Variants in SLC26A8 observed in about 807,000 individuals in gnomAD.
The protein encoded by SLC26A8 is testis anion transporter 1.
Under a neutral mutation model 105.0 loss-of-function variants are expected in SLC26A8, and 70 were observed. The ratio of observed to expected loss-of-function variants is 0.67; its 90% confidence interval spans 0.55 to 0.81. The LOEUF (loss-of-function observed/expected upper bound fraction) is 0.81. Ranked by LOEUF, SLC26A8 falls within the 40% of genes least tolerant of loss-of-function variation. The pLI, the probability that SLC26A8 is intolerant of heterozygous loss-of-function variation, is 0.00. For missense variants in SLC26A8, 998 were observed against 1,181.8 expected (o/e 0.84, Z 2.28); for synonymous variants, 415 against 438.3 (o/e 0.95, Z 0.66).
intron 2 of SLC26A8, among the ~76,000 whole-genome samples, chr6:36,013,057 A>G (rs952159580): frequency 3.9e-5 from 6 of 152,210 alleles, no homozygotes; most frequent in African/African-American, 1.4e-4. Context: ...AGTAGAAAAT[A>G]GAGAATATGA....
At chr6:35,968,605 G>GTATATATATA (rs1554163661) in intron 11 of SLC26A8, among the ~76,000 whole-genome samples, 4 of 53,856 alleles carry the variant, frequency 7.4e-5, no homozygotes, top group Admixed American at 2.2e-4. Flanking sequence ...GTGTGTGTGT[G>GTATATATATA]TGTGTATATA....
chr6:36,020,693 G>T (rs1476859126), intron 1 of SLC26A8, among the ~76,000 whole-genome samples: 1 of 152,136 alleles, frequency 6.6e-6, no homozygotes, highest in Admixed American at 6.6e-5. Context: ...GATGGATAGG[G>T]ATCCATCTCT....
chr6:36,009,224 G>A (rs1041221879), intron 3 of SLC26A8, among the ~76,000 whole-genome samples: 9 of 152,060 alleles, frequency 5.9e-5, no homozygotes, highest in South Asian at 2.1e-4. Flanking sequence ...GGTGGCGTGC[G>A]CCTGTAATCC....
At chr6:36,006,617 G>C (rs1428872804) in intron 3 of SLC26A8, among the ~76,000 whole-genome samples, 1 of 152,148 alleles carries the variant, frequency 6.6e-6, no homozygotes, top group African/African-American at 2.4e-5. Context: ...GGGGCTCATA[G>C]TTAAAGCATC....
intron 6 of SLC26A8, among the ~76,000 whole-genome samples, chr6:35,992,080 C>T (rs113633585): frequency 3.9e-5 from 6 of 152,156 alleles, no homozygotes; most frequent in African/African-American, 1.2e-4. Flanking sequence ...TGTTTATAAG[C>T]CAATAGTTAT....
chr6:35,963,007 A>G (rs189747145), intron 11 of SLC26A8, among the ~76,000 whole-genome samples: 5 of 152,254 alleles, frequency 3.3e-5, no homozygotes, highest in Admixed American at 1.3e-4. Context: ...TTAATTTGCC[A>G]AAAACACAAG....
chr6:36,018,492 G>A (rs116389201), intron 2 of SLC26A8, among the ~76,000 whole-genome samples: 1,530 of 152,298 alleles, frequency 0.01, 13 homozygotes, highest in Non-Finnish European at 0.018. Flanking sequence ...GCAGAAGAGA[G>A]GTTACTTGGG....
Position 35,959,586 on chromosome 6 carries a change from A to G in SLC26A8, c.1737T>C (p.Asp579=). 6.2e-7 allele frequency: 1 copy of G among 1,612,818 alleles called. No individual in the cohort carries two copies. ...CTTCTTTAAGAGGCACCTTTACCAT[A>G]TCAACCTGAAAGACATGAGAGGTCT... ...YLKHKLLKEV[D]MVKVPLKEEE... is the part of the protein sequence containing the mutation. The change falls in exon 16 of 20, where the codon GAT becomes GAC. Residue 579 remains aspartate, a synonymous_variant. Transcript: ENST00000490799.
At position 35,959,512 on chromosome 6, in the gene SLC26A8, C is replaced by T; in HGVS notation, c.1811G>A (p.Gly604Glu). The T allele has an allele frequency of 3.7e-6, 6 of 1,614,020 alleles. No homozygotes were observed. The highest frequency in any genetic ancestry group is 5.1e-6 in the Non-Finnish European group (6 of 1,179,978). The part of the protein sequence containing the change: ...FNSSDTNLQG[G>E]KICRCFCNCD... ...GTTGCAGAAACACCTGCAAATCTTT[C>T]CTCCTTGTAGATTGGTGTCACTTGA... The change falls in exon 16 of 20, where the codon GGA (glycine) becomes GAA (glutamate). Residue 604 changes from glycine (G) to glutamate (E), a missense_variant. Physicochemically the swap from Gly to Glu is moderately conservative, Grantham distance 98. Transcript: ENST00000490799.
chr6:35,993,190 G>GA (rs1449108993), intron 5 of SLC26A8, among the ~76,000 whole-genome samples: 9 of 45,372 alleles, frequency 2.0e-4, no homozygotes, highest in Admixed American at 1.0e-3. Context: ...AGAGATTGGA[G>GA]GGGGGGGTCT....
intron 5 of SLC26A8, among the ~76,000 whole-genome samples, chr6:35,994,116 C>CT (rs1168753321): frequency 0.25 from 16,326 of 65,982 alleles, 1,175 homozygotes; most frequent in South Asian, 0.35. Context: ...TTTTTCTTTT[C>CT]TTTTTTTTTT....
At chr6:35,975,591 G>A (rs1772978815) in intron 9 of SLC26A8, 103 bp from the exon 10 acceptor site, 1 of 625,290 alleles carries the variant, frequency 1.6e-6, no homozygotes, top group Non-Finnish European at 2.8e-6. Context: ...AGATAGGGTT[G>A]TTTGCATCAC....
intron 16 of SLC26A8, among the ~76,000 whole-genome samples, chr6:35,958,146 C>T (rs1325884898): frequency 1.3e-5 from 2 of 152,184 alleles, no homozygotes; most frequent in Non-Finnish European, 2.9e-5. Flanking sequence ...CTGATGCTAC[C>T]ACAAAGTTTT....
In SLC26A8 at chr6:35,982,142, A is replaced by G. The variant is rs1182677802; in HGVS notation, c.1004T>C (p.Leu335Pro). The G allele has an allele frequency of 6.2e-7, 1 of 1,614,094 alleles. No individual in the cohort carries two copies. The highest frequency in any genetic ancestry group is 8.5e-7 in the Non-Finnish European group (1 of 1,180,044). The stretch of plus-strand genomic sequence containing the variant: ...TGACCTATAAGGAATCATGTCAATA[A>G]GCGTCTGGCTGGTTTCTGTGGCCAT... ...ISMATETSQTLIDMIPYSFLL... is the reference protein window; with the variant it reads ...ISMATETSQTPIDMIPYSFLL... The change falls in exon 8 of 20, where the codon CTT becomes CCT. Residue 335 changes from leucine (L) to proline (P), a missense_variant. Transcript: ENST00000490799.
chr6:35,948,504 A>G (rs781658864), intron 19 of SLC26A8, among the ~76,000 whole-genome samples: 6 of 152,074 alleles, frequency 3.9e-5, no homozygotes, highest in Non-Finnish European at 8.8e-5. Context: ...CAGGACAATC[A>G]CGTGAACCTG....
chr6:36,006,314 T>C (rs1761683401), intron 3 of SLC26A8, among the ~76,000 whole-genome samples: 1 of 152,270 alleles, frequency 6.6e-6, no homozygotes, highest in South Asian at 2.1e-4. Context: ...GAGACAGGGT[T>C]TTGCCATATT....
At chr6:35,952,575 G>A (rs1348248515) in intron 17 of SLC26A8, among the ~76,000 whole-genome samples, 3 of 152,098 alleles carry the variant, frequency 2.0e-5, no homozygotes, top group Non-Finnish European at 4.4e-5. Context: ...ACTACCAAGA[G>A]GAAATGAAGT....
chr6:36,003,959 C>A (rs912356975), intron 3 of SLC26A8, among the ~76,000 whole-genome samples: 1 of 152,024 alleles, frequency 6.6e-6, no homozygotes, highest in African/African-American at 2.4e-5. Flanking sequence ...CCATGCCCGG[C>A]CTATTTCTTT....
intron 19 of SLC26A8, among the ~76,000 whole-genome samples, chr6:35,946,862 T>G (rs968736403): frequency 1.1e-4 from 16 of 147,804 alleles, no homozygotes; most frequent in South Asian, 2.2e-4. Context: ...TGATTTTTAG[T>G]TTTTTTTTTC....
Sources: allele counts gnomAD v4.1 joint callset (sites outside exome capture counted in the v4.1 genomes callset), GRCh38; gene constraint gnomAD v4.1.1; transcripts MANE v1.5; gene names NCBI Gene and HGNC (gene_info 2026-07-23, HGNC 2026-07-21).